AGGF1: variants seen among roughly 807,000 people sequenced by gnomAD.
The protein encoded by AGGF1 is angiogenic factor with G patch and FHA domains 1.
Under a neutral mutation model 86.5 loss-of-function variants are expected in AGGF1, and 56 were observed. That is an observed-to-expected ratio of 0.65 (90% CI 0.52 to 0.81). The LOEUF is 0.81. AGGF1 is among the 30% of genes least tolerant of loss of function. AGGF1 has a pLI of 0.00. For missense variants in AGGF1, 816 were observed against 850.9 expected (o/e 0.96, Z 0.51); for synonymous variants, 313 against 297.1 (o/e 1.05, Z -0.55).
intron 5 of AGGF1, among the ~76,000 whole-genome samples, chr5:77,040,792 C>A (rs1747062976): frequency 6.6e-6 from 1 of 152,144 alleles, no homozygotes; most frequent in Admixed American, 6.5e-5. Flanking sequence ...CTCATGGTTT[C>A]CTGTCCTGTC....
chr5:77,055,390 A>G (rs1747441058), intron 10 of AGGF1, 124 bp from the exon 11 acceptor site: 1 of 677,914 alleles, frequency 1.5e-6, no homozygotes, highest in South Asian at 1.7e-5. Flanking sequence ...ATTAATGTTT[A>G]TTTCAACTTC....
At chr5:77,048,641 C>T (rs758503958) in intron 7 of AGGF1, among the ~76,000 whole-genome samples, 26 of 152,196 alleles carry the variant, frequency 1.7e-4, no homozygotes, top group Non-Finnish European at 2.6e-4. Flanking sequence ...TAAGCTGCCA[C>T]GCCTGGCCAT....
intron 5 of AGGF1, among the ~76,000 whole-genome samples, chr5:77,042,148 G>A (rs1160181114): frequency 6.6e-6 from 1 of 151,980 alleles, no homozygotes; most frequent in African/African-American, 2.4e-5. Context: ...CAGATCAACA[G>A]GATCCCAAGG....
At chr5:77,043,299 C>T (rs1302513834) in intron 5 of AGGF1, among the ~76,000 whole-genome samples, 143 of 19,916 alleles carry the variant, frequency 7.2e-3, no homozygotes, top group African/African-American at 0.023. Flanking sequence ...GGCGGCTGGC[C>T]GGGCGGAGGG....
intron 4 of AGGF1, 64 bp from the exon 5 acceptor site, chr5:77,039,467 G>T: frequency 8.1e-7 from 1 of 1,239,492 alleles, no homozygotes; most frequent in Non-Finnish European, 1.1e-6. Context: ...AATGTATTTG[G>T]CATTTTCGTT....
At chr5:77,034,358 G>GTA (rs1358394046) in intron 1 of AGGF1, 60 bp from the exon 2 acceptor site, 152 of 997,238 alleles carry the variant, frequency 1.5e-4, no homozygotes, top group South Asian at 1.3e-3. Flanking sequence ...TAGGAGACTG[G>GTA]TATATATATT....
At position 77,052,777 on chromosome 5, in the gene AGGF1, C is replaced by T. The variant is rs1747396661; in HGVS notation, c.1437C>T (p.Gly479=). The T allele has an allele frequency of 3.1e-6, 5 of 1,613,436 alleles. No homozygotes were observed. The South Asian group carries it at 5.5e-5, about 18-fold the overall frequency. ...YVLVDQGSQN[G]TIVNGKQILQ... is the part of the protein sequence containing the mutation. Reference sequence around the variant, plus strand: ...TTGTGGATCAAGGCAGTCAAAATGGCACAATTGTTAATGGAAAACAGATTC... The same window carrying T: ...TTGTGGATCAAGGCAGTCAAAATGGTACAATTGTTAATGGAAAACAGATTC... Residue 479 remains glycine (G), a synonymous_variant, in exon 9 of 14, where the codon GGC becomes GGT. Transcript: ENST00000312916.
At position 77,063,077 on chromosome 5, in the gene AGGF1, A is replaced by G. The variant is rs200189145; in HGVS notation, c.1970A>G (p.His657Arg). ...ATCCAGCTTCAGCTTCGGCGAACACATGCAGGCTTGGGGACAGGCAAACCA... is the reference window on the plus strand; with the variant it reads ...ATCCAGCTTCAGCTTCGGCGAACACGTGCAGGCTTGGGGACAGGCAAACCA... ...TPIQLQLRRT[H>R]AGLGTGKPSS... The change falls in exon 14 of 14, where the codon CAT becomes CGT. Residue 657 changes from histidine to arginine, a missense_variant. His to Arg is a conservative substitution (Grantham distance 29, BLOSUM62 0). Coordinates refer to ENST00000312916, the MANE Select transcript of AGGF1 (RefSeq NM_018046.5). The G allele has an allele frequency of 2.5e-6, 4 of 1,614,098 alleles. No individual in the cohort carries two copies. Among genetic ancestry groups the G allele is most frequent in the African/African-American group, 1.3e-5 (1 of 75,038 alleles).
At chr5:77,056,373 G>A (rs1197100452) in intron 11 of AGGF1, among the ~76,000 whole-genome samples, 6 of 151,560 alleles carry the variant, frequency 4.0e-5, no homozygotes, top group African/African-American at 1.5e-4. Flanking sequence ...TGATTGCAGG[G>A]GCCCGCCACC....
Position 77,032,269 on chromosome 5 carries a change from A to AC in AGGF1, c.210+1293_210+1294insC, listed in dbSNP as rs1300592279. Among the ~76,000 whole-genome samples, 3 of 142,892 alleles carry AC rather than the reference A, an allele frequency of 2.1e-5. No individual in the cohort carries two copies. In the East Asian group the frequency reaches 6.0e-4, roughly 29 times the overall value. The allele number at this position is 142,892 out of a possible 152,430, so 93.7% of individuals were successfully genotyped here. A position where few individuals can be genotyped will look rare whatever the true frequency, so the allele number is the denominator to read the frequency against. ...AAATATGGTAAAAAAAAAAAAAAAA[A>AC]AAAAACAGGGAGAGGTGGCTGGGCG... On this transcript the variant is annotated intron_variant, in intron 1 of 13. Coordinates refer to ENST00000312916, the MANE Select transcript of AGGF1 (RefSeq NM_018046.5).
chr5:77,034,948 A>G (rs60435423), intron 2 of AGGF1, among the ~76,000 whole-genome samples: 1,751 of 152,336 alleles, frequency 0.011, 28 homozygotes, highest in African/African-American at 0.04. Flanking sequence ...TATAAGGCAA[A>G]ATAGCTGAGA....
chr5:77,059,513 AT>A (rs772962831), intron 11 of AGGF1, 102 bp from the exon 12 acceptor site: 1 of 1,045,386 alleles, frequency 9.6e-7, no homozygotes, highest in Non-Finnish European at 1.4e-6. Flanking sequence ...TTCATTGTTT[AT>A]AGAGGCCACA....
intron 5 of AGGF1, among the ~76,000 whole-genome samples, chr5:77,044,989 T>C (rs1041713806): frequency 1.3e-4 from 19 of 149,718 alleles, no homozygotes; most frequent in African/African-American, 4.2e-4. Flanking sequence ...CTCTTGAACC[T>C]GGGAGGTGGA....
At chr5:77,032,856 A>G (rs1746896623) in intron 1 of AGGF1, among the ~76,000 whole-genome samples, 1 of 152,172 alleles carries the variant, frequency 6.6e-6, no homozygotes, top group Non-Finnish European at 1.5e-5. Flanking sequence ...TTCTCCCTAA[A>G]GAATTAGAAA....
chr5:77,039,346 G>GT (rs1422856504), intron 4 of AGGF1, among the ~76,000 whole-genome samples, 185 bp from the exon 5 acceptor site: 1 of 152,082 alleles, frequency 6.6e-6, no homozygotes, highest in Non-Finnish European at 1.5e-5. Context: ...AATTAGATCA[G>GT]TTATTGAATG....
chr5:77,037,443 C>T (rs1168572080), intron 4 of AGGF1, among the ~76,000 whole-genome samples: 1 of 152,040 alleles, frequency 6.6e-6, no homozygotes, highest in East Asian at 1.9e-4. Flanking sequence ...TATTATTAGC[C>T]AGTGTTTTAT....
In AGGF1 at chr5:77,063,728, C is replaced by T. The variant is rs919782652; in HGVS notation, c.*476C>T. ...AATGTTGCGAAAACATGGGTAGTGG[C>T]GCATACATTTTGTTATCCTTGAAAT... On this transcript the variant is annotated 3_prime_UTR_variant, in exon 14 of 14. Coordinates refer to ENST00000312916, the MANE Select transcript of AGGF1 (RefSeq NM_018046.5). 1.1e-4 allele frequency: 18 copies of T among 164,710 alleles called. No homozygotes were observed. The highest frequency in any genetic ancestry group is 3.9e-4 in the African/African-American group (16 of 41,460). 10.2% of individuals were successfully genotyped at this position (164,710 alleles called of 1,614,324 possible).
rs1465306013 is a variant in AGGF1, at chr5:77,063,278, T to C, written c.*26T>C. 1.3e-6 allele frequency: 2 copies of C among 1,595,086 alleles called. No homozygotes were observed. The highest frequency in any genetic ancestry group is 2.2e-5 in the East Asian group (1 of 44,780). ...AGGCTAATCATAGAAAAAAAACCTC[T>C]AGTTTTTTTAAAAATAGAATTTGGA... On this transcript the variant is annotated 3_prime_UTR_variant, in exon 14 of 14. Coordinates refer to ENST00000312916, the MANE Select transcript of AGGF1 (RefSeq NM_018046.5).
At chr5:77,041,785 T>TTTTATTTATTTA (rs1312253497) in intron 5 of AGGF1, among the ~76,000 whole-genome samples, 1 of 112,984 alleles carries the variant, frequency 8.9e-6, no homozygotes, top group African/African-American at 3.5e-5. Flanking sequence ...CAAGAACTTT[T>TTTTATTTATTTA]TTTATTTATT....
Sources: allele counts gnomAD v4.1 joint callset (sites outside exome capture counted in the v4.1 genomes callset), GRCh38; gene constraint gnomAD v4.1.1; transcripts MANE v1.5; gene names NCBI Gene and HGNC (gene_info 2026-07-23, HGNC 2026-07-21).